Variants in WWOX observed in about 807,000 individuals in gnomAD.
WWOX encodes WW domain-containing oxidoreductase.
Under a neutral mutation model 46.2 loss-of-function variants are expected in WWOX, and 69 were observed. The observed-to-expected ratio is 1.49, with a 90% CI of 1.23 to 1.82. The LOEUF (loss-of-function observed/expected upper bound fraction) is 1.82, where lower values mean the gene tolerates loss of function less well. WWOX is among the 40% of genes most tolerant of loss of function. The pLI is 0.00. For missense variants in WWOX, 919 were observed against 542.6 expected (o/e 1.69, Z -6.89); for synonymous variants, 359 against 202.6 (o/e 1.77, Z -6.56).
chr16:78,619,672 A>T (rs550872959), intron 8 of WWOX, among the ~76,000 whole-genome samples: 1 of 152,082 alleles, frequency 6.6e-6, no homozygotes, highest in South Asian at 2.1e-4. Context: ...CGGGAGTCCA[A>T]GGTAGGAGGG....
chr16:78,814,007 C>G (rs1403487677), intron 8 of WWOX, among the ~76,000 whole-genome samples: 1 of 152,188 alleles, frequency 6.6e-6, no homozygotes, highest in East Asian at 1.9e-4. Flanking sequence ...AAGGCAACTG[C>G]TGTTTCTTTT....
chr16:78,836,738 T>A (rs2051995642), intron 8 of WWOX, among the ~76,000 whole-genome samples: 1 of 152,172 alleles, frequency 6.6e-6, no homozygotes, highest in Non-Finnish European at 1.5e-5. Context: ...GTGGCAGAGA[T>A]GAGGCTGGAC....
At chr16:78,171,827 C>T (rs773156067) in intron 5 of WWOX, among the ~76,000 whole-genome samples, 4 of 152,144 alleles carry the variant, frequency 2.6e-5, no homozygotes, top group Non-Finnish European at 5.9e-5. Context: ...AGTCAATAAG[C>T]GCATGCTCAC....
rs547343149 is a variant in WWOX, at chr16:78,396,976, C to G, written c.605+10028C>G. Among the ~76,000 whole-genome samples, 9 of 152,302 alleles carry G rather than the reference C, an allele frequency of 5.9e-5. No individual in the cohort carries two copies. In the South Asian group the frequency reaches 1.7e-3, roughly 28 times the overall value. On this transcript the variant is annotated intron_variant, in intron 6 of 8. Coordinates refer to ENST00000566780, the MANE Select transcript of WWOX (RefSeq NM_016373.4). ...GCCCAGAGACCCTTTAAATGAAATT[C>G]ATTTTACTAGCACCCTTTTTCATCA...
chr16:78,472,652 T>C (rs59390574), intron 8 of WWOX, among the ~76,000 whole-genome samples: 4,724 of 151,398 alleles, frequency 0.031, 241 homozygotes, highest in African/African-American at 0.11. Flanking sequence ...CTACTGAAAA[T>C]ACAAAAATTA....
chr16:78,861,390 T>A (rs2043882219), intron 8 of WWOX, among the ~76,000 whole-genome samples: 1 of 152,186 alleles, frequency 6.6e-6, no homozygotes, highest in Non-Finnish European at 1.5e-5. Flanking sequence ...TGTAAAATGA[T>A]TTACAGAAGT....
At chr16:78,186,718 T>C (rs2035717631) in intron 5 of WWOX, among the ~76,000 whole-genome samples, 1 of 152,232 alleles carries the variant, frequency 6.6e-6, no homozygotes, top group African/African-American at 2.4e-5. Context: ...TGAGCCAAGA[T>C]CGTGCCACTG....
intron 8 of WWOX, among the ~76,000 whole-genome samples, chr16:79,144,957 T>C (rs1204392593): frequency 2.0e-5 from 3 of 152,160 alleles, no homozygotes; most frequent in Admixed American, 1.3e-4. Flanking sequence ...TATGTAGGGT[T>C]TGGAACCATC....
At chr16:79,195,660 C>T (rs2051225502) in intron 8 of WWOX, among the ~76,000 whole-genome samples, 1 of 152,182 alleles carries the variant, frequency 6.6e-6, no homozygotes, top group Non-Finnish European at 1.5e-5. Context: ...GGTAAAGCTA[C>T]AAAGGTAAGC....
At chr16:78,147,965 A>G (rs999151120) in intron 4 of WWOX, among the ~76,000 whole-genome samples, 1 of 147,112 alleles carries the variant, frequency 6.8e-6, no homozygotes, top group African/African-American at 2.5e-5. Context: ...TGCGTGTAGA[A>G]TCCTGGTGGC....
At chr16:78,411,935 C>G (rs1161463495) in intron 6 of WWOX, among the ~76,000 whole-genome samples, 1 of 152,194 alleles carries the variant, frequency 6.6e-6, no homozygotes, top group Non-Finnish European at 1.5e-5. Flanking sequence ...AAATCTGTTT[C>G]CGCCCGATTC....
chr16:79,143,050 A>G (rs962417940), intron 8 of WWOX, among the ~76,000 whole-genome samples: 2 of 151,978 alleles, frequency 1.3e-5, no homozygotes, highest in African/African-American at 2.4e-5. Flanking sequence ...AGAAAAAAAA[A>G]TAAAGGAAAG....
chr16:78,761,783 G>A (rs2049800491), intron 8 of WWOX, among the ~76,000 whole-genome samples: 1 of 152,136 alleles, frequency 6.6e-6, no homozygotes, highest in Non-Finnish European at 1.5e-5. Flanking sequence ...TTGGTGTGAG[G>A]AGAAAGATAA....
At chr16:79,165,150 GA>G (rs5818206) in intron 8 of WWOX, among the ~76,000 whole-genome samples, 67,298 of 136,462 alleles carry the variant, frequency 0.49, 15,912 homozygotes, top group East Asian at 0.87. Flanking sequence ...TAAAACGAAG[GA>G]AAAAAAAAAA....
chr16:79,169,762 T>C (rs1487076420), intron 8 of WWOX, among the ~76,000 whole-genome samples: 2 of 152,176 alleles, frequency 1.3e-5, no homozygotes, highest in Non-Finnish European at 2.9e-5. Context: ...TGCCACAGCC[T>C]CCTTTTGTCA....
At chr16:78,621,457 T>G (rs1426652730) in intron 8 of WWOX, among the ~76,000 whole-genome samples, 1 of 152,074 alleles carries the variant, frequency 6.6e-6, no homozygotes, top group Non-Finnish European at 1.5e-5. Context: ...ATTCTTTTCT[T>G]CTTCCAGTTG....
intron 8 of WWOX, among the ~76,000 whole-genome samples, chr16:78,878,828 C>G (rs537644156): frequency 2.1e-5 from 3 of 145,446 alleles, no homozygotes; most frequent in South Asian, 4.5e-4. Flanking sequence ...AGGAGAATCC[C>G]TATGGTCTCT....
At chr16:78,640,265 C>G (rs1238833192) in intron 8 of WWOX, among the ~76,000 whole-genome samples, 1 of 118,094 alleles carries the variant, frequency 8.5e-6, no homozygotes, top group African/African-American at 3.6e-5. Context: ...GGCTTTTGCG[C>G]CTATGGTGAC....
chr16:78,923,518 A>G (rs1266809025), intron 8 of WWOX, among the ~76,000 whole-genome samples: 7 of 152,086 alleles, frequency 4.6e-5, no homozygotes, highest in Non-Finnish European at 1.0e-4. Context: ...CAACTTTTTC[A>G]GAAAAGAGCT....
Sources: allele counts gnomAD v4.1 joint callset (sites outside exome capture counted in the v4.1 genomes callset), GRCh38; gene constraint gnomAD v4.1.1; transcripts MANE v1.5; gene names NCBI Gene and HGNC (gene_info 2026-07-23, HGNC 2026-07-21).